EYS: variants seen among roughly 807,000 people sequenced by gnomAD.
EYS encodes EGF-like photoreceptor maintenance factor.
A neutral mutation model predicts 282.1 loss-of-function variants in EYS; 250 were observed. That is an observed-to-expected ratio of 0.89 (90% confidence interval 0.80 to 0.98). The LOEUF (loss-of-function observed/expected upper bound fraction) is 0.98, where lower values mean the gene tolerates loss of function less well. Ranked by LOEUF, EYS falls within the 50% of genes least tolerant of loss-of-function variation. EYS has a pLI of 0.00. For missense variants in EYS, 4,016 were observed against 3,709.0 expected (o/e 1.08, Z -2.15); for synonymous variants, 1,355 against 1,282.9 (o/e 1.06, Z -1.20).
Position 63,937,345 on chromosome 6 carries a change from C to CT in EYS, c.7055+47037dup, listed in dbSNP as rs778809745. ...CAAATTTTCTAGGCTTCTCTCTTTTCTTTTTTTTTTTTTTTTTTTTTTTTT... is the reference window on the plus strand; with the variant it reads ...CAAATTTTCTAGGCTTCTCTCTTTTCTTTTTTTTTTTTTTTTTTTTTTTTTT... On this transcript the variant is annotated intron_variant, in intron 35 of 42. Transcript: ENST00000503581. Among the ~76,000 whole-genome samples, 28 of 54,484 alleles carry CT rather than the reference C, an allele frequency of 5.1e-4. 3 individuals carry two copies. The highest frequency in any genetic ancestry group is 6.8e-4 in the African/African-American group (9 of 13,210). The allele number at this position is 54,484 out of a possible 152,430, so 35.7% of individuals were successfully genotyped here.
intron 2 of EYS, among the ~76,000 whole-genome samples, chr6:65,523,861 C>T (rs187296483): frequency 2.0e-4 from 31 of 152,128 alleles, no homozygotes; most frequent in Non-Finnish European, 3.5e-4. Flanking sequence ...TTACAGCCAA[C>T]GTGGAATAAA....
intron 22 of EYS, among the ~76,000 whole-genome samples, chr6:64,720,880 A>C (rs548061316): frequency 3.3e-5 from 5 of 152,302 alleles, no homozygotes; most frequent in African/African-American, 1.2e-4. Flanking sequence ...TAATTTTCTA[A>C]ATGTGCAAAC....
intron 5 of EYS, among the ~76,000 whole-genome samples, chr6:65,417,203 T>C (rs1376745222): frequency 6.6e-6 from 1 of 151,902 alleles, no homozygotes; most frequent in Non-Finnish European, 1.5e-5. Flanking sequence ...TGTACAAAAA[T>C]TCACACAAAT....
At chr6:64,028,814 T>G (rs149031999) in intron 33 of EYS, among the ~76,000 whole-genome samples, 1,622 of 152,248 alleles carry the variant, frequency 0.011, 27 homozygotes, top group African/African-American at 0.037. Flanking sequence ...CTACTCTAGA[T>G]CTTTTGAACT....
chr6:65,146,568 G>A (rs16896349), intron 12 of EYS, among the ~76,000 whole-genome samples: 39,018 of 151,718 alleles, frequency 0.26, 5,346 homozygotes, highest in African/African-American at 0.35. Flanking sequence ...CTTTCTTCAA[G>A]TGATGGTTGC....
chr6:64,380,604 TC>T (rs1408447365), intron 29 of EYS, among the ~76,000 whole-genome samples: 2 of 152,156 alleles, frequency 1.3e-5, no homozygotes, highest in African/African-American at 4.8e-5. Context: ...GTCCACAAAG[TC>T]ATAAAATTGA....
At chr6:64,960,977 G>T (rs534677692) in intron 14 of EYS, among the ~76,000 whole-genome samples, 1 of 152,242 alleles carries the variant, frequency 6.6e-6, no homozygotes, top group East Asian at 1.9e-4. Context: ...TCCCTGCAAA[G>T]ACATGATTTA....
At chr6:65,652,448 G>A (rs1188615241) in intron 1 of EYS, among the ~76,000 whole-genome samples, 1 of 151,866 alleles carries the variant, frequency 6.6e-6, no homozygotes, top group African/African-American at 2.4e-5. Flanking sequence ...TCCCAGAGAA[G>A]TGTAATGGTG....
chr6:65,272,378 G>T (rs533326667), intron 12 of EYS, among the ~76,000 whole-genome samples: 1 of 152,118 alleles, frequency 6.6e-6, no homozygotes, highest in South Asian at 2.1e-4. Flanking sequence ...GAACCGAAGG[G>T]GCTCATTTCA....
intron 8 of EYS, among the ~76,000 whole-genome samples, chr6:65,380,791 T>A (rs952219362): frequency 6.6e-6 from 1 of 151,598 alleles, no homozygotes; most frequent in Non-Finnish European, 1.5e-5. Context: ...AACAACCTCA[T>A]CAAAAAATGG....
intron 5 of EYS, among the ~76,000 whole-genome samples, chr6:65,476,856 T>TG (rs1765427876): frequency 6.6e-6 from 1 of 152,194 alleles, no homozygotes; most frequent in Non-Finnish European, 1.5e-5. Context: ...ATTACAGGCA[T>TG]GAGCCACAGT....
intron 31 of EYS, among the ~76,000 whole-genome samples, chr6:64,217,200 A>T (rs1334723453): frequency 1.3e-5 from 2 of 152,146 alleles, no homozygotes; most frequent in African/African-American, 4.8e-5. Context: ...ATCTCCTCTG[A>T]CACTAGGTAT....
chr6:65,352,286 G>A (rs186767226), intron 9 of EYS, among the ~76,000 whole-genome samples: 2 of 152,018 alleles, frequency 1.3e-5, no homozygotes, highest in African/African-American at 4.8e-5. Flanking sequence ...TTGGTTAGCT[G>A]TTACTCAAAA....
At chr6:64,199,404 C>T (rs542542685) in intron 31 of EYS, among the ~76,000 whole-genome samples, 1 of 151,914 alleles carries the variant, frequency 6.6e-6, no homozygotes, top group East Asian at 1.9e-4. Context: ...AACTGGACAC[C>T]TTCCCTACAC....
chr6:65,618,407 T>C (rs1481247542), intron 2 of EYS, among the ~76,000 whole-genome samples: 2 of 152,252 alleles, frequency 1.3e-5, no homozygotes, highest in African/African-American at 4.8e-5. Context: ...GCTGTTTGTT[T>C]TTTTCTTGTA....
intron 12 of EYS, among the ~76,000 whole-genome samples, chr6:65,092,626 G>A (rs1303504831): frequency 1.3e-5 from 2 of 152,110 alleles, no homozygotes; most frequent in African/African-American, 2.4e-5. Flanking sequence ...AATGCAGCCA[G>A]GCATAGTTTT....
intron 35 of EYS, among the ~76,000 whole-genome samples, chr6:63,940,838 C>A (rs186592892): frequency 9.2e-4 from 117 of 127,422 alleles, no homozygotes; most frequent in African/African-American, 3.3e-3. Flanking sequence ...CCCCCCTCCC[C>A]CTCTGCCACA....
chr6:64,281,175 T>C (rs556825381), intron 30 of EYS, among the ~76,000 whole-genome samples: 2 of 152,244 alleles, frequency 1.3e-5, no homozygotes, highest in East Asian at 1.9e-4. Flanking sequence ...ACCATTGTTA[T>C]AGTCAGTTAA....
chr6:63,823,621 C>T (rs779341165), intron 36 of EYS, among the ~76,000 whole-genome samples: 2 of 152,056 alleles, frequency 1.3e-5, no homozygotes, highest in South Asian at 4.1e-4. Flanking sequence ...TCTAATCATA[C>T]CTTGAAGAAC....
Sources: allele counts gnomAD v4.1 joint callset (sites outside exome capture counted in the v4.1 genomes callset), GRCh38; gene constraint gnomAD v4.1.1; transcripts MANE v1.5; gene names NCBI Gene and HGNC (gene_info 2026-07-23, HGNC 2026-07-21).